The following SURF4 variants were observed in gnomAD, a reference collection of about 807,000 sequenced individuals.
SURF4 encodes surfeit locus protein 4.
Under a neutral mutation model 30.0 loss-of-function variants are expected in SURF4, and 3 were observed. The observed-to-expected ratio is 0.10, with a 90% CI of 0.05 to 0.26. SURF4 has a LOEUF of 0.26. Ranked by LOEUF, SURF4 falls within the 10% of genes least tolerant of loss-of-function variation. SURF4 has a pLI of 1.00. For missense variants in SURF4, 217 were observed against 350.8 expected (o/e 0.62, Z 3.05); for synonymous variants, 143 against 139.9 (o/e 1.02, Z -0.16).
intron 1 of SURF4, among the ~76,000 whole-genome samples, chr9:133,368,066 C>A (rs1837282171): frequency 6.6e-6 from 1 of 152,228 alleles, no homozygotes; most frequent in African/African-American, 2.4e-5. Context: ...TGGTCCAACC[C>A]CTCACCTTAC....
rs953765259 is a variant in SURF4, at chr9:133,375,930, C to T, written c.40G>A (p.Ala14Thr). 1 of 1,230,350 alleles carries T rather than the reference C, an allele frequency of 8.1e-7. No individual in the cohort carries two copies. Among genetic ancestry groups the T allele is most frequent in the Non-Finnish European group, 1.0e-6 (1 of 982,864 alleles). 76.2% of individuals were successfully genotyped at this position (1,230,350 alleles called of 1,614,324 possible). The change falls in exon 1 of 6, where the codon GCC becomes ACC. Residue 14 changes from alanine (A) to threonine (T), a missense_variant. Physicochemically the swap from Ala to Thr is moderately conservative, Grantham distance 58. Transcript: ENST00000371989. Reference protein sequence around the residue: ...NDLMGTAEDFADQFLRVTKQY... With the variant: ...NDLMGTAEDFTDQFLRVTKQY... ...GAGCCCGCAGGCCGCACCTGGTCGG[C>T]GAAGTCCTCGGCCGTGCCCATCAGG...
chr9:133,367,105 G>A (rs2130135551), intron 2 of SURF4, among the ~76,000 whole-genome samples, 154 bp downstream of exon 2: 4 of 152,312 alleles, frequency 2.6e-5, no homozygotes, highest in South Asian at 2.1e-4. Context: ...TTGCAGAACC[G>A]GACTCCTGGC....
In SURF4 at chr9:133,376,023, C is replaced by T. The variant is rs1282745684; in HGVS notation, c.-54G>A. 1.6e-6 allele frequency: 2 copies of T among 1,217,882 alleles called. No homozygotes were observed. Among genetic ancestry groups the T allele is most frequent in the East Asian group, 3.3e-5 (1 of 30,200 alleles). The allele number at this position is 1,217,882 out of a possible 1,614,324, so 75.4% of individuals were successfully genotyped here. A position where few individuals can be genotyped will look rare whatever the true frequency, so the allele number is the denominator to read the frequency against. ...GCTCGCTCGCTCGCTGGCTCTCGCC[C>T]GTCGGCGCCCGCACCCGCTGCGGCC... On this transcript the variant is annotated 5_prime_UTR_variant, in exon 1 of 6. Coordinates refer to ENST00000371989, the MANE Select transcript of SURF4 (RefSeq NM_033161.4).
At chr9:133,374,998 G>A (rs2130231650) in intron 1 of SURF4, among the ~76,000 whole-genome samples, 16 of 152,328 alleles carry the variant, frequency 1.1e-4, no homozygotes, top group East Asian at 5.8e-4. Context: ...TCCCTGCGGG[G>A]ATAAGGCTGT....
chr9:133,373,908 TC>T (rs1407496524), intron 1 of SURF4, among the ~76,000 whole-genome samples: 8 of 15,706 alleles, frequency 5.1e-4, no homozygotes, highest in Non-Finnish European at 1.0e-3. Flanking sequence ...AAATTCTGTC[TC>T]AAAAAAAAAA....
intron 1 of SURF4, among the ~76,000 whole-genome samples, chr9:133,367,801 G>A (rs1179011162): frequency 6.6e-6 from 1 of 152,274 alleles, no homozygotes; most frequent in South Asian, 2.1e-4. Flanking sequence ...ACTGCCACAA[G>A]ACACAGAGCT....
upstream of SURF4, among the ~76,000 whole-genome samples, chr9:133,377,887 C>G (rs2130255868): frequency 6.6e-6 from 1 of 152,162 alleles, no homozygotes; most frequent in Non-Finnish European, 1.5e-5. Context: ...AGCTTGTTTT[C>G]TTGCAACTAG....
rs2130093893 is a variant in SURF4 at position 133,363,837 on chromosome 9, T to C, written c.544-78A>G. The C allele has an allele frequency of 1.3e-6, 2 of 1,549,684 alleles. No homozygotes were observed. On this transcript the variant is annotated intron_variant, in intron 5 of 5. Transcript: ENST00000371989. The surrounding 1 kb of genome is among the most constrained non-coding windows in gnomAD (Gnocchi z 4.3). ...CTTTATAAACAAAAGTTCCAGCTGCTGCACGTCATGAAGTCTCTATCCATC... is the reference window on the plus strand; with the variant it reads ...CTTTATAAACAAAAGTTCCAGCTGCCGCACGTCATGAAGTCTCTATCCATC...
chr9:133,368,874 CAG>C (rs1837337540), intron 1 of SURF4, among the ~76,000 whole-genome samples: 1 of 152,204 alleles, frequency 6.6e-6, no homozygotes, highest in South Asian at 2.1e-4. Context: ...GTTGGGAAGC[CAG>C]AGTCTAAAGA....
intron 3 of SURF4, 100 bp downstream of exon 3, chr9:133,366,499 G>T: frequency 7.6e-7 from 1 of 1,310,338 alleles, no homozygotes. Flanking sequence ...CATGCAGGGG[G>T]CTGAAGGGGG....
intron 2 of SURF4, 108 bp from the exon 3 acceptor site, chr9:133,366,783 C>T (rs994077144): frequency 1.1e-6 from 1 of 916,290 alleles, no homozygotes; most frequent in South Asian, 1.4e-5. Flanking sequence ...GGCAGCCAAA[C>T]CACCTACCCA....
At chr9:133,374,138 T>G (rs781877192) in intron 1 of SURF4, among the ~76,000 whole-genome samples, 1 of 152,146 alleles carries the variant, frequency 6.6e-6, no homozygotes. Flanking sequence ...AGCCATCTTC[T>G]TAGGGAGCTG....
At position 133,361,989 on chromosome 9, in the gene SURF4, C is replaced by T. The variant is rs1059773; in HGVS notation, c.*1504G>A. On this transcript the variant is annotated 3_prime_UTR_variant, in exon 6 of 6. Coordinates refer to ENST00000371989, the MANE Select transcript of SURF4 (RefSeq NM_033161.4). ...GAGAACCCATGTCCTGAAGCCATTG[C>T]TCGATCTTACCAATATTCGGGGGTA... 6.6e-6 allele frequency: 1 copy of T among 152,128 alleles called. No individual in the cohort carries two copies. Among genetic ancestry groups the T allele is most frequent in the African/African-American group, 2.4e-5 (1 of 41,416 alleles). 9.4% of individuals were successfully genotyped at this position (152,128 alleles called of 1,614,324 possible). A position where few individuals can be genotyped will look rare whatever the true frequency, so the allele number is the denominator to read the frequency against.
Position 133,369,203 on chromosome 9 carries a change from G to A in SURF4, c.49-1758C>T, listed in dbSNP as rs148068164. ...TGGCCATTCTCCCCAAACCCACTGC[G>A]CCCTGCAGTGTCAGTTCTGCACACA... is the stretch of plus-strand genomic sequence containing the variant. On this transcript the variant is annotated intron_variant, in intron 1 of 5. Coordinates refer to ENST00000371989, the MANE Select transcript of SURF4 (RefSeq NM_033161.4). Among the ~76,000 whole-genome samples the A allele has an allele frequency of 5.9e-5, 9 of 152,242 alleles. No homozygotes were observed. The East Asian group carries it at 1.7e-3, about 29-fold the overall frequency.
Position 133,363,934 on chromosome 9 carries a change from G to A in SURF4, c.544-175C>T. 1.3e-6 allele frequency: 1 copy of A among 791,526 alleles called. No individual in the cohort carries two copies. The highest frequency in any genetic ancestry group is 2.2e-6 in the Non-Finnish European group (1 of 453,318). The allele number at this position is 791,526 out of a possible 1,614,324, so 49.0% of individuals were successfully genotyped here. ...GATAAAAGCCAAAGGGAGGCAGGAGGCAATAAAGCACCAGCTTTGAAATGT... is the reference window on the plus strand; with the variant it reads ...GATAAAAGCCAAAGGGAGGCAGGAGACAATAAAGCACCAGCTTTGAAATGT... On this transcript the variant is annotated intron_variant, in intron 5 of 5. Coordinates refer to ENST00000371989, the MANE Select transcript of SURF4 (RefSeq NM_033161.4). The surrounding 1 kb of genome is among the most constrained non-coding windows in gnomAD (Gnocchi z 4.3).
intron 1 of SURF4, among the ~76,000 whole-genome samples, chr9:133,373,697 C>T (rs1837644833): frequency 6.6e-6 from 1 of 151,736 alleles, no homozygotes; most frequent in Admixed American, 6.6e-5. Context: ...GCAGGCGGAC[C>T]ACCTGAGGTC....
At chr9:133,370,250 G>T (rs1014094477) in intron 1 of SURF4, among the ~76,000 whole-genome samples, 1 of 152,220 alleles carries the variant, frequency 6.6e-6, no homozygotes, top group Non-Finnish European at 1.5e-5. Context: ...AAAAAAGAGA[G>T]AGAAGGTGGG....
intron 1 of SURF4, chr9:133,375,459 C>T (rs1281148596): frequency 1.0e-6 from 1 of 979,580 alleles, no homozygotes; most frequent in Non-Finnish European, 1.2e-6. Flanking sequence ...GCCCCCTTTC[C>T]TCTGGGAGGA....
At chr9:133,373,202 AG>A (rs2130204306) in intron 1 of SURF4, among the ~76,000 whole-genome samples, 8,539 of 152,290 alleles carry the variant, frequency 0.056, 333 homozygotes, top group Non-Finnish European at 0.087. Context: ...GAGCCTGAGC[AG>A]GTTTGGCCTC....
Sources: allele counts gnomAD v4.1 joint callset (sites outside exome capture counted in the v4.1 genomes callset), GRCh38; gene constraint gnomAD v4.1.1; non-coding constraint Gnocchi (gnomAD v3.1); transcripts MANE v1.5; gene names NCBI Gene and HGNC (gene_info 2026-07-23, HGNC 2026-07-21).